Variants in LINGO2 observed in about 807,000 individuals in gnomAD.
LINGO2 encodes the protein leucine-rich repeat and immunoglobulin-like domain-containing nogo receptor-interacting protein 2.
LINGO2 carries 14 observed loss-of-function variants against 30.6 expected under a neutral mutation model. The ratio of observed to expected loss-of-function variants is 0.46; its 90% confidence interval spans 0.30 to 0.72. LINGO2 has a LOEUF of 0.72. LINGO2 is among the 30% of genes least tolerant of loss of function. LINGO2 has a pLI of 0.07. For synonymous variants in LINGO2, 317 were observed against 288.5 expected (o/e 1.10, Z -1.00); for missense variants, 729 against 751.7 (o/e 0.97, Z 0.35).
the LINGO2 span, among the ~76,000 whole-genome samples, chr9:29,161,029 G>C: frequency 2.0e-5 from 3 of 151,896 alleles, no homozygotes; most frequent in Non-Finnish European, 4.4e-5. Flanking sequence ...AGCTTTGTCT[G>C]TCTTACAGAT....
At chr9:28,104,266 G>GTTT (rs74180789) in intron 4 of LINGO2, among the ~76,000 whole-genome samples, 43 of 97,462 alleles carry the variant, frequency 4.4e-4, no homozygotes, top group South Asian at 1.2e-3. Context: ...TTTTTTGTTT[G>GTTT]TTTTTTTTTT....
chr9:28,419,240 T>C (rs1823090176), intron 2 of LINGO2, among the ~76,000 whole-genome samples: 1 of 152,170 alleles, frequency 6.6e-6, no homozygotes, highest in Non-Finnish European at 1.5e-5. Flanking sequence ...TAAAAGCTAT[T>C]TGATCTTCCA....
intron 3 of LINGO2, among the ~76,000 whole-genome samples, chr9:28,327,531 G>A (rs10968508): frequency 0.23 from 34,416 of 152,160 alleles, 4,104 homozygotes; most frequent in East Asian, 0.32. Flanking sequence ...CTTAGGGGGA[G>A]TGTGGAGGAT....
intron 2 of LINGO2, among the ~76,000 whole-genome samples, chr9:28,404,987 CATTTGG>C (rs769174734): frequency 1.1e-4 from 17 of 151,328 alleles, no homozygotes; most frequent in Non-Finnish European, 1.6e-4. Context: ...TGAGGAATTT[CATTTGG>C]AGCAAGCCAG....
chr9:28,617,605 C>T (rs542670221), intron 1 of LINGO2, among the ~76,000 whole-genome samples: 15 of 152,174 alleles, frequency 9.9e-5, no homozygotes, highest in South Asian at 8.3e-4. Flanking sequence ...AATAACATTT[C>T]TAATTTATTA....
the LINGO2 span, among the ~76,000 whole-genome samples, chr9:29,212,469 G>T: frequency 6.6e-6 from 1 of 152,072 alleles, no homozygotes; most frequent in South Asian, 2.1e-4. Context: ...CGAGTCCGCA[G>T]GCCGGGTGCC....
At chr9:29,052,617 T>C in the LINGO2 span, among the ~76,000 whole-genome samples, 1 of 152,188 alleles carries the variant, frequency 6.6e-6, no homozygotes, top group Admixed American at 6.5e-5. Flanking sequence ...ACATATGGTA[T>C]GTTACATTTA....
Position 28,206,029 on chromosome 9 carries a change from G to A in LINGO2, c.-87+89179C>T, listed in dbSNP as rs973355710. 2.0e-5 allele frequency among the ~76,000 whole-genome samples: 3 copies of A among 152,158 alleles called. No individual in the cohort carries two copies. The South Asian group carries it at 6.2e-4, about 32-fold the overall frequency. On this transcript the variant is annotated intron_variant, in intron 4 of 5. Coordinates refer to ENST00000379992, the Ensembl canonical transcript of LINGO2. ...AAAATACAAAGACTAGCCAGGTGTG[G>A]TGGTGTCTGTCTGTAATCCTAGTTA... is the stretch of plus-strand genomic sequence containing the variant.
chr9:28,968,802 T>G, the LINGO2 span, among the ~76,000 whole-genome samples: 1 of 152,196 alleles, frequency 6.6e-6, no homozygotes, highest in Non-Finnish European at 1.5e-5. Flanking sequence ...AAGTGCAATT[T>G]TAACACAGCT....
At chr9:29,108,733 A>G in the LINGO2 span, among the ~76,000 whole-genome samples, 1 of 152,200 alleles carries the variant, frequency 6.6e-6, no homozygotes, top group Admixed American at 6.5e-5. Context: ...ATGCAGAGTT[A>G]ATTACATGAG....
intron 4 of LINGO2, among the ~76,000 whole-genome samples, chr9:28,191,278 C>T (rs1489892041): frequency 6.6e-6 from 1 of 152,178 alleles, no homozygotes; most frequent in Non-Finnish European, 1.5e-5. Flanking sequence ...TGACATTTGA[C>T]TATTTATAGT....
chr9:28,794,811 A>T, the LINGO2 span, among the ~76,000 whole-genome samples: 391 of 150,796 alleles, frequency 2.6e-3, 1 homozygote, highest in African/African-American at 3.8e-3. Context: ...GGAATTATAA[A>T]TTTTTTTTCT....
At chr9:28,288,373 T>G (rs1217197871) in intron 4 of LINGO2, among the ~76,000 whole-genome samples, 1 of 152,190 alleles carries the variant, frequency 6.6e-6, no homozygotes, top group Non-Finnish European at 1.5e-5. Flanking sequence ...CCACTCCATT[T>G]GATTGAAGTG....
At chr9:28,471,939 G>T (rs1220697650) in intron 2 of LINGO2, among the ~76,000 whole-genome samples, 1 of 152,074 alleles carries the variant, frequency 6.6e-6, no homozygotes, top group Non-Finnish European at 1.5e-5. Flanking sequence ...AGACCAAGAG[G>T]CCACACATAA....
chr9:27,946,841 A>G (rs1197326253), downstream of LINGO2, among the ~76,000 whole-genome samples: 1 of 152,038 alleles, frequency 6.6e-6, no homozygotes, highest in Non-Finnish European at 1.5e-5. Context: ...CTTTCATCAT[A>G]TTTTCCACCC....
intron 4 of LINGO2, among the ~76,000 whole-genome samples, chr9:28,251,639 T>C (rs1401789637): frequency 2.0e-5 from 3 of 152,154 alleles, no homozygotes; most frequent in Non-Finnish European, 4.4e-5. Flanking sequence ...TATTCAAAAA[T>C]AGAACTGTTT....
At chr9:28,092,893 T>C (rs1034791678) in intron 4 of LINGO2, among the ~76,000 whole-genome samples, 7 of 152,082 alleles carry the variant, frequency 4.6e-5, no homozygotes, top group Admixed American at 2.6e-4. Flanking sequence ...CCTTCTCATA[T>C]ACCAGACATT....
the LINGO2 span, among the ~76,000 whole-genome samples, chr9:29,123,255 C>T: frequency 6.6e-6 from 1 of 151,894 alleles, no homozygotes; most frequent in African/African-American, 2.4e-5. Flanking sequence ...ATATATTCCC[C>T]GAGACATCCC....
At chr9:28,128,929 T>C (rs572322577) in intron 4 of LINGO2, among the ~76,000 whole-genome samples, 195 of 152,262 alleles carry the variant, frequency 1.3e-3, no homozygotes, top group Non-Finnish European at 2.3e-3. Context: ...CACCATCCAA[T>C]TGGCTGCAAG....
Sources: gnomAD v4.1 joint callset for allele counts (sites outside exome capture counted in the v4.1 genomes callset) on GRCh38, gnomAD v4.1.1 for gene constraint, MANE v1.5 for transcripts, NCBI Gene and HGNC (gene_info 2026-07-23, HGNC 2026-07-21) for gene names.